NXPH1: variants seen among roughly 807,000 people sequenced by gnomAD.
NXPH1 encodes the protein neurexophilin 1, also known as neurexophilin-1.
A neutral mutation model predicts 23.7 loss-of-function variants in NXPH1; 5 were observed. That is an observed-to-expected ratio of 0.21 (90% CI 0.11 to 0.44). NXPH1 has a LOEUF of 0.44. NXPH1 is among the 20% of genes least tolerant of loss of function. The pLI is 0.99. For synonymous variants in NXPH1, 144 were observed against 122.2 expected (o/e 1.18, Z -1.18); for missense variants, 324 against 321.6 (o/e 1.01, Z -0.06).
intron 2 of NXPH1, among the ~76,000 whole-genome samples, chr7:8,695,849 G>A (rs183374831): frequency 2.0e-5 from 3 of 152,254 alleles, no homozygotes; most frequent in East Asian, 3.9e-4. Context: ...GAGATTAAAC[G>A]TGGTTCCTAT....
chr7:8,733,500 C>T (rs1353219027), intron 2 of NXPH1, among the ~76,000 whole-genome samples: 1 of 152,174 alleles, frequency 6.6e-6, no homozygotes, highest in Non-Finnish European at 1.5e-5. Context: ...CCCACCAACA[C>T]TGTAAAAGCG....
chr7:8,492,822 T>C (rs1208089622), intron 2 of NXPH1, among the ~76,000 whole-genome samples: 1 of 152,006 alleles, frequency 6.6e-6, no homozygotes, highest in Admixed American at 6.6e-5. Flanking sequence ...TTCTTAATGC[T>C]CCAAAGCTTA....
intron 2 of NXPH1, among the ~76,000 whole-genome samples, chr7:8,562,204 T>C (rs1353220246): frequency 6.6e-6 from 1 of 151,654 alleles, no homozygotes; most frequent in African/African-American, 2.4e-5. Context: ...TTTTTAACCA[T>C]TATACGTCAG....
chr7:8,645,730 AG>A (rs1820388916), intron 2 of NXPH1, among the ~76,000 whole-genome samples: 1 of 152,044 alleles, frequency 6.6e-6, no homozygotes. Context: ...CTTATATTCG[AG>A]TGATCCATAT....
chr7:8,560,453 G>T (rs1351349778), intron 2 of NXPH1, among the ~76,000 whole-genome samples: 1 of 151,444 alleles, frequency 6.6e-6, no homozygotes, highest in East Asian at 2.0e-4. Flanking sequence ...GTGGTCATAG[G>T]GATACTCTCA....
intron 2 of NXPH1, among the ~76,000 whole-genome samples, chr7:8,604,559 T>A (rs1478564177): frequency 1.3e-5 from 2 of 152,142 alleles, no homozygotes; most frequent in Admixed American, 1.3e-4. Flanking sequence ...GGCTTTGAAG[T>A]GAACAATATA....
chr7:8,488,039 C>A (rs1817187372), intron 2 of NXPH1, among the ~76,000 whole-genome samples: 1 of 152,118 alleles, frequency 6.6e-6, no homozygotes, highest in Admixed American at 6.6e-5. Context: ...GCTCTGCCAC[C>A]AGATTATAAG....
chr7:8,751,542 G>A lies in NXPH1; in HGVS notation c.589G>A (p.Glu197Lys), dbSNP rs1047350505. The A allele has an allele frequency of 6.2e-7, 1 of 1,613,298 alleles. No individual in the cohort carries two copies. The highest frequency in any genetic ancestry group is 8.5e-7 in the Non-Finnish European group (1 of 1,179,654). Residue 197 changes from glutamate to lysine, a missense_variant, in exon 3 of 3, where the codon GAA becomes AAA. By Grantham distance (56) the Glu-to-Lys change is moderately conservative. Transcript: ENST00000405863. The surrounding 1 kb of genome is among the most constrained non-coding windows in gnomAD (Gnocchi z 4.5). ...KDSKSFNCRI[E>K]YEKVDKATKN... is the part of the protein sequence containing the mutation. ...TTCCAAGTCTTTTAATTGTCGCATT[G>A]AATATGAAAAGGTTGACAAGGCTAC...
chr7:8,714,152 C>G (rs751846787), intron 2 of NXPH1, among the ~76,000 whole-genome samples: 1 of 152,184 alleles, frequency 6.6e-6, no homozygotes, highest in African/African-American at 2.4e-5. Context: ...AACCACTACA[C>G]AAAGTCTTTC....
Position 8,678,928 on chromosome 7 carries a change from A to ATTTTTTTT in NXPH1, c.55-72052_55-72045dup, listed in dbSNP as rs540056222. Among the ~76,000 whole-genome samples the ATTTTTTTT allele has an allele frequency of 5.3e-3, 367 of 68,774 alleles. 35 individuals carry two copies. Among genetic ancestry groups the ATTTTTTTT allele is most frequent in the Middle Eastern group, 0.014 (1 of 74 alleles). 45.1% of individuals were successfully genotyped at this position (68,774 alleles called of 152,430 possible). A position where few individuals can be genotyped will look rare whatever the true frequency, so the allele number is the denominator to read the frequency against. The stretch of plus-strand genomic sequence containing the variant: ...TCTAGATTTATCTTTGCTTTATCCA[A>ATTTTTTTT]TTTTTTTTTTTTTTTTTTTTTTTTT... On this transcript the variant is annotated intron_variant, in intron 2 of 2. Coordinates refer to ENST00000405863, the MANE Select transcript of NXPH1 (RefSeq NM_152745.3).
intron 2 of NXPH1, among the ~76,000 whole-genome samples, chr7:8,638,069 T>C (rs934165408): frequency 6.6e-6 from 1 of 152,148 alleles, no homozygotes; most frequent in Non-Finnish European, 1.5e-5. Context: ...AGGTGGCCAT[T>C]ACTTTGAACA....
At chr7:8,488,163 GA>G (rs1472083037) in intron 2 of NXPH1, among the ~76,000 whole-genome samples, 5 of 152,032 alleles carry the variant, frequency 3.3e-5, no homozygotes, top group Non-Finnish European at 7.4e-5. Context: ...ACATTTTATG[GA>G]AAGCATTATC....
chr7:8,655,377 T>A (rs1820557601), intron 2 of NXPH1, among the ~76,000 whole-genome samples: 1 of 138,882 alleles, frequency 7.2e-6, no homozygotes, highest in Non-Finnish European at 1.5e-5. Context: ...AAAGGGAGTC[T>A]GTCTCTGTCT....
intron 2 of NXPH1, among the ~76,000 whole-genome samples, chr7:8,493,235 G>C (rs570019605): frequency 6.6e-6 from 1 of 151,990 alleles, no homozygotes; most frequent in Non-Finnish European, 1.5e-5. Flanking sequence ...TCACCTGAAG[G>C]AATGTCTCCT....
chr7:8,735,911 G>A (rs985543584), intron 2 of NXPH1, among the ~76,000 whole-genome samples: 1 of 152,162 alleles, frequency 6.6e-6, no homozygotes, highest in African/African-American at 2.4e-5. Flanking sequence ...AGATCTTCTA[G>A]TTTATTTGCA....
chr7:8,632,856 A>C (rs1348406228), intron 2 of NXPH1, among the ~76,000 whole-genome samples: 1 of 152,222 alleles, frequency 6.6e-6, no homozygotes, highest in Non-Finnish European at 1.5e-5. Context: ...GTCTACTTAG[A>C]TGAGCATTCT....
intron 2 of NXPH1, among the ~76,000 whole-genome samples, chr7:8,526,418 G>A (rs1197732440): frequency 1.3e-5 from 2 of 152,158 alleles, no homozygotes; most frequent in South Asian, 2.1e-4. Flanking sequence ...TTGGGTTAAT[G>A]CTGAGATGAG....
intron 2 of NXPH1, among the ~76,000 whole-genome samples, chr7:8,739,355 G>A (rs1033434094): frequency 3.3e-5 from 5 of 152,088 alleles, no homozygotes; most frequent in Non-Finnish European, 4.4e-5. Context: ...AGAATGCACC[G>A]TCCTTCAAGG....
intron 2 of NXPH1, among the ~76,000 whole-genome samples, chr7:8,645,542 T>C (rs1195621891): frequency 6.6e-6 from 1 of 152,062 alleles, no homozygotes; most frequent in Non-Finnish European, 1.5e-5. Context: ...TTAAAATAAA[T>C]TTTAGGTATC....
Sources: allele counts gnomAD v4.1 joint callset (sites outside exome capture counted in the v4.1 genomes callset), GRCh38; gene constraint gnomAD v4.1.1; non-coding constraint Gnocchi (gnomAD v3.1); transcripts MANE v1.5; gene names NCBI Gene and HGNC (gene_info 2026-07-23, HGNC 2026-07-21).